Variants in RANGAP1 observed in about 807,000 individuals in gnomAD.
RANGAP1 encodes the protein ran GTPase-activating protein 1.
RANGAP1 carries 38 observed loss-of-function variants against 63.5 expected under a neutral mutation model. That is an observed-to-expected ratio of 0.60 (90% CI 0.46 to 0.78). The LOEUF is 0.78. Ranked by LOEUF, RANGAP1 falls within the 30% of genes least tolerant of loss-of-function variation. The probability of loss-of-function intolerance (pLI) is 0.00; values close to 1 mark genes in which losing one functional copy is unlikely to be tolerated. For missense variants in RANGAP1, 630 were observed against 740.3 expected (o/e 0.85, Z 1.73); for synonymous variants, 329 against 310.5 (o/e 1.06, Z -0.63).
chr22:41,252,843 C>T (rs764409845), intron 12 of RANGAP1, 29 bp downstream of exon 12: 2 of 1,542,446 alleles, frequency 1.3e-6, no homozygotes, highest in Non-Finnish European at 1.7e-6. Context: ...ACAGCACGTA[C>T]AGCGTGGGGG....
At chr22:41,283,936 G>C (rs770040633) in intron 1 of RANGAP1, among the ~76,000 whole-genome samples, 2 of 152,184 alleles carry the variant, frequency 1.3e-5, no homozygotes, top group Non-Finnish European at 2.9e-5. Context: ...GAAACGACCA[G>C]TTGAAATTGC....
Position 41,252,913 on chromosome 22 carries a change from G to A in RANGAP1, c.1339C>T (p.Leu447=). The change falls in exon 12 of 16, where the codon CTG becomes TTG. Residue 447 remains leucine (L), a synonymous_variant. Transcript: ENST00000356244. The part of the protein sequence containing the change: ...FLAFPSPEKL[L]RLGPKSSVLI... ...ACGGAGCTCTTGGGCCCTAGGCGCA[G>A]CAGCTTCTCTGGAGAGGGAAAAGCC... 6.4e-7 allele frequency: 1 copy of A among 1,572,046 alleles called. No homozygotes were observed. Among genetic ancestry groups the A allele is most frequent in the Non-Finnish European group, 8.6e-7 (1 of 1,161,300 alleles).
At chr22:41,253,107 A>C in intron 11 of RANGAP1, 116 bp from the exon 12 acceptor site, 62 of 1,100,790 alleles carry the variant, frequency 5.6e-5, no homozygotes, top group Non-Finnish European at 6.3e-5. Flanking sequence ...ATCTAGGCTC[A>C]AAGTCTAGAA....
At chr22:41,262,685 T>C (rs115615299) in intron 5 of RANGAP1, among the ~76,000 whole-genome samples, 2,420 of 152,184 alleles carry the variant, frequency 0.016, 60 homozygotes, top group African/African-American at 0.056. Context: ...ACACTCAGGG[T>C]AGAGACATCA....
chr22:41,293,930 C>T, the RANGAP1 span, among the ~76,000 whole-genome samples: 2 of 151,840 alleles, frequency 1.3e-5, no homozygotes, highest in Non-Finnish European at 2.9e-5. Flanking sequence ...CCCAAAGTGC[C>T]GGGATTATAG....
At chr22:41,296,306 C>T in the RANGAP1 span, among the ~76,000 whole-genome samples, 112,168 of 151,024 alleles carry the variant, frequency 0.74, 42,384 homozygotes, top group Admixed American at 0.79. Flanking sequence ...AAATGAGCCA[C>T]CATCGAAAAT....
the RANGAP1 span, among the ~76,000 whole-genome samples, chr22:41,300,169 T>C: frequency 6.6e-6 from 1 of 151,940 alleles, no homozygotes. Flanking sequence ...CTTGAAGAGA[T>C]AAGAGGCTGG....
Position 41,252,909 on chromosome 22 carries a change from C to T in RANGAP1, c.1343G>A (p.Arg448His), listed in dbSNP as rs1248671879. ...CAGCACGGAGCTCTTGGGCCCTAGG[C>T]GCAGCAGCTTCTCTGGAGAGGGAAA... Reference protein sequence around the residue: ...LAFPSPEKLLRLGPKSSVLIA... With the variant: ...LAFPSPEKLLHLGPKSSVLIA... The change falls in exon 12 of 16, where the codon CGC (arginine) becomes CAC (histidine). Residue 448 changes from arginine to histidine, a missense_variant. Physicochemically the swap from Arg to His is conservative, Grantham distance 29 (BLOSUM62 0). Transcript: ENST00000356244. 8.9e-6 allele frequency: 14 copies of T among 1,572,456 alleles called. No individual in the cohort carries two copies. The highest frequency in any genetic ancestry group is 2.5e-5 in the East Asian group (1 of 40,092).
intron 12 of RANGAP1, among the ~76,000 whole-genome samples, chr22:41,252,342 G>A (rs2033515257): frequency 6.6e-6 from 1 of 151,960 alleles, no homozygotes; most frequent in Admixed American, 6.6e-5. Context: ...ATAAAGTAAG[G>A]GCAGCAGAGT....
intron 12 of RANGAP1, 66 bp downstream of exon 12, chr22:41,252,806 C>T (rs544630484): frequency 1.4e-6 from 2 of 1,455,842 alleles, no homozygotes; most frequent in East Asian, 5.4e-5. Flanking sequence ...AGCTGTTCGT[C>T]CCTTTTCTCT....
intron 6 of RANGAP1, 68 bp downstream of exon 6, chr22:41,261,378 G>A: frequency 1.3e-6 from 2 of 1,599,562 alleles, no homozygotes; most frequent in Non-Finnish European, 1.7e-6. Flanking sequence ...TTAGCATCCA[G>A]AACTGTCAGC....
At chr22:41,247,746 G>A (rs2033145764) in intron 15 of RANGAP1, among the ~76,000 whole-genome samples, 1 of 152,258 alleles carries the variant, frequency 6.6e-6, no homozygotes, top group Admixed American at 6.5e-5. Context: ...ACGCAGCCAG[G>A]ACCAGGCCTG....
chr22:41,291,703 C>G, the RANGAP1 span, among the ~76,000 whole-genome samples: 266 of 151,432 alleles, frequency 1.8e-3, 2 homozygotes, highest in African/African-American at 6.0e-3. Flanking sequence ...TCGAGACCAT[C>G]CTGGCTAACA....
At position 41,257,715 on chromosome 22, in the gene RANGAP1, G is replaced by A. The variant is rs1175557717; in HGVS notation, c.774+233C>T. ...GCAGCCGCTGGGGGCTGCAGAGGCG[G>A]CTCAGGAGAAGGTGGCATGAAGAAT... is the stretch of plus-strand genomic sequence containing the variant. On this transcript the variant is annotated intron_variant, in intron 7 of 15. Transcript: ENST00000356244. This position sits in a 1 kb window ranked among gnomAD's most constrained non-coding sequence, Gnocchi z 4.0. Among the ~76,000 whole-genome samples, 1 of 152,274 alleles carries A rather than the reference G, an allele frequency of 6.6e-6. No homozygotes were observed. The highest frequency in any genetic ancestry group is 1.5e-5 in the Non-Finnish European group (1 of 68,048).
chr22:41,249,309 GAAGGAC>G lies in RANGAP1; in HGVS notation c.1694+15_1694+20del, dbSNP rs779571792. 6.4e-7 allele frequency: 1 copy of G among 1,572,978 alleles called. No individual in the cohort carries two copies. Among genetic ancestry groups the G allele is most frequent in the East Asian group, 2.3e-5 (1 of 44,408 alleles). On this transcript the variant is annotated intron_variant, in intron 15 of 15. Coordinates refer to ENST00000356244, the MANE Select transcript of RANGAP1 (RefSeq NM_002883.4). ...AAGCCCGAGAGGGCAGGCACCGGCA[GAAGGAC>G]AAGGCCACACTCACTTGGTCACGAA...
intron 1 of RANGAP1, chr22:41,282,108 A>G (rs767457550): frequency 6.6e-6 from 1 of 152,172 alleles, no homozygotes; most frequent in Non-Finnish European, 1.5e-5. Context: ...TGGGTGACAG[A>G]GTAAAACCCT....
intron 1 of RANGAP1, chr22:41,285,046 C>CTT (rs1486463837): frequency 6.6e-6 from 1 of 151,880 alleles, no homozygotes; most frequent in Admixed American, 6.6e-5. Flanking sequence ...GTCCCCATGA[C>CTT]TTGGGAGGTT....
chr22:41,274,868 A>G, intron 2 of RANGAP1, 141 bp from the exon 3 acceptor site: 1 of 1,082,390 alleles, frequency 9.2e-7, no homozygotes. Flanking sequence ...AGAGAATCAG[A>G]CAGGCTCATG....
At chr22:41,284,647 G>A (rs183201505) in intron 1 of RANGAP1, among the ~76,000 whole-genome samples, 10 of 152,268 alleles carry the variant, frequency 6.6e-5, no homozygotes, top group Admixed American at 4.6e-4. Flanking sequence ...TGAGGTGGGC[G>A]GATCGATTGA....
Sources: gnomAD v4.1 joint callset for allele counts (sites outside exome capture counted in the v4.1 genomes callset) on GRCh38, gnomAD v4.1.1 for gene constraint, Gnocchi (gnomAD v3.1) non-coding constraint, MANE v1.5 for transcripts, NCBI Gene and HGNC (gene_info 2026-07-23, HGNC 2026-07-21) for gene names.